Variants in LARP4 observed in about 807,000 individuals in gnomAD.
The protein encoded by LARP4 is la-related protein 4.
In LARP4, 29 loss-of-function variants were observed where a neutral mutation model predicts 92.9. The ratio of observed to expected loss-of-function variants is 0.31; its 90% CI spans 0.23 to 0.43. The LOEUF is 0.43. Ranked by LOEUF, LARP4 falls within the 20% of genes least tolerant of loss-of-function variation. The pLI is 1.00. For missense variants in LARP4, 732 were observed against 860.0 expected, an observed-to-expected ratio of 0.85 and a Z score of 1.86; for synonymous variants, 279 against 284.1, an observed-to-expected ratio of 0.98 and a Z score of 0.18.
intron 4 of LARP4, among the ~76,000 whole-genome samples, chr12:50,432,728 T>C (rs1348232068): frequency 6.6e-6 from 1 of 151,730 alleles, no homozygotes; most frequent in Non-Finnish European, 1.5e-5. Context: ...GGCATGGTGG[T>C]ATGCACTACT....
intron 13 of LARP4, among the ~76,000 whole-genome samples, chr12:50,472,828 T>TC (rs1296774952): frequency 2.6e-5 from 4 of 151,468 alleles, no homozygotes; most frequent in African/African-American, 9.7e-5. Context: ...TTTAACTTTT[T>TC]TTTTTTTTTG....
chr12:50,445,453 A>T (rs1951862969), intron 8 of LARP4, among the ~76,000 whole-genome samples: 1 of 151,294 alleles, frequency 6.6e-6, no homozygotes, highest in African/African-American at 2.4e-5. Flanking sequence ...GAAATACTAA[A>T]CTTCTTGGCT....
intron 1 of LARP4, among the ~76,000 whole-genome samples, chr12:50,427,028 G>T (rs778290373): frequency 6.6e-6 from 1 of 152,024 alleles, no homozygotes; most frequent in Non-Finnish European, 1.5e-5. Flanking sequence ...ATGAACCATC[G>T]TGCCCTGCCT....
intron 8 of LARP4, 112 bp from the exon 9 acceptor site, chr12:50,453,348 A>C (rs1953622500): frequency 3.4e-6 from 2 of 594,320 alleles, no homozygotes; most frequent in Admixed American, 2.9e-5. Context: ...TACTGATTCT[A>C]CTGTAGGCAG....
chr12:50,468,075 G>A (rs939380958), intron 13 of LARP4, among the ~76,000 whole-genome samples: 1 of 151,936 alleles, frequency 6.6e-6, no homozygotes, highest in African/African-American at 2.4e-5. Flanking sequence ...CACCTCCCGG[G>A]TTCAAGCAGT....
intron 10 of LARP4, among the ~76,000 whole-genome samples, chr12:50,455,639 T>C (rs1954086024): frequency 1.3e-5 from 2 of 152,216 alleles, no homozygotes; most frequent in South Asian, 4.1e-4. Context: ...CTTGTTTTAC[T>C]GGAGAAATGA....
intron 11 of LARP4, among the ~76,000 whole-genome samples, chr12:50,462,054 A>G (rs191723956): frequency 1.5e-4 from 23 of 152,326 alleles, no homozygotes; most frequent in Admixed American, 2.0e-4. Context: ...CTACTAACAA[A>G]TGGGCTCATC....
intron 10 of LARP4, among the ~76,000 whole-genome samples, chr12:50,460,169 T>C (rs565461947): frequency 5.9e-5 from 9 of 151,868 alleles, no homozygotes; most frequent in Non-Finnish European, 1.2e-4. Flanking sequence ...AAGAATGCAT[T>C]GCATAGACTC....
intron 13 of LARP4, among the ~76,000 whole-genome samples, chr12:50,469,853 G>A (rs1956702405): frequency 6.6e-6 from 1 of 152,048 alleles, no homozygotes; most frequent in Non-Finnish European, 1.5e-5. Flanking sequence ...AAGTTGCAGT[G>A]AGCCGAGATT....
intron 8 of LARP4, among the ~76,000 whole-genome samples, chr12:50,453,186 G>A (rs377153205): frequency 6.6e-6 from 1 of 151,540 alleles, no homozygotes; most frequent in Non-Finnish European, 1.5e-5. Flanking sequence ...AAGTGCTCAG[G>A]TTACAGGTGT....
At chr12:50,425,212 T>C (rs1376655561) in intron 1 of LARP4, among the ~76,000 whole-genome samples, 1 of 152,230 alleles carries the variant, frequency 6.6e-6, no homozygotes, top group Non-Finnish European at 1.5e-5. Flanking sequence ...ACATAACTAC[T>C]ATGCATAGCA....
In LARP4 at chr12:50,441,610, A is replaced by G. The variant is rs1951215134; in HGVS notation, c.771A>G (p.Glu257=). The change falls in exon 8 of 16, where the codon GAA becomes GAG. Residue 257 remains glutamate (E), a synonymous_variant. Transcript: ENST00000398473. Reference sequence around the variant, plus strand: ...AACAGGCTTTTAAATACTTAAGAGAAGAAGTTAAAACATTTCAGGGCAAGC... The same window carrying G: ...AACAGGCTTTTAAATACTTAAGAGAGGAAGTTAAAACATTTCAGGGCAAGC... ...DAQQAFKYLR[E]EVKTFQGKPI... 5 of 1,600,810 alleles carry G rather than the reference A, an allele frequency of 3.1e-6. No individual in the cohort carries two copies. In the East Asian group the frequency reaches 1.1e-4, roughly 36 times the overall value.
At chr12:50,406,858 A>G (rs543486409) in intron 1 of LARP4, among the ~76,000 whole-genome samples, 12 of 151,346 alleles carry the variant, frequency 7.9e-5, no homozygotes, top group East Asian at 1.9e-4. Flanking sequence ...AGCTGGGACT[A>G]CAGACGTACG....
At chr12:50,404,584 A>AT (rs1269648893) in intron 1 of LARP4, among the ~76,000 whole-genome samples, 2 of 147,666 alleles carry the variant, frequency 1.4e-5, no homozygotes, top group Non-Finnish European at 1.5e-5. Flanking sequence ...GGTTTGTTTT[A>AT]TTTTTTTCCT....
At chr12:50,406,495 AATT>A (rs1336794821) in intron 1 of LARP4, among the ~76,000 whole-genome samples, 1 of 151,914 alleles carries the variant, frequency 6.6e-6, no homozygotes, top group African/African-American at 2.4e-5. Flanking sequence ...AATTTTTTTA[AATT>A]ATTATTTTAT....
At chr12:50,462,709 C>G in intron 12 of LARP4, 79 bp downstream of exon 12, 7 of 1,011,376 alleles carry the variant, frequency 6.9e-6, no homozygotes, top group East Asian at 2.5e-5. Context: ...TCTTTCCTTT[C>G]TGGGTTTTTG....
intron 15 of LARP4, 137 bp downstream of exon 15, chr12:50,474,304 A>C (rs972696495): frequency 2.3e-5 from 15 of 655,906 alleles, no homozygotes; most frequent in Non-Finnish European, 3.4e-5. Context: ...AAGAAGCTTA[A>C]GGAGTGTTAG....
At chr12:50,450,993 A>G (rs747554534) in intron 8 of LARP4, among the ~76,000 whole-genome samples, 4 of 152,164 alleles carry the variant, frequency 2.6e-5, no homozygotes, top group Middle Eastern at 3.2e-3. Flanking sequence ...ACCTTTTACA[A>G]TTAGTGTTAG....
At chr12:50,429,544 T>C (rs1201144399) in intron 3 of LARP4, among the ~76,000 whole-genome samples, 2 of 152,076 alleles carry the variant, frequency 1.3e-5, no homozygotes, top group African/African-American at 4.8e-5. Flanking sequence ...AAACTGTGTC[T>C]GAAAAAAAAA....
Sources: allele counts gnomAD v4.1 joint callset (sites outside exome capture counted in the v4.1 genomes callset), GRCh38; gene constraint gnomAD v4.1.1; transcripts MANE v1.5; gene names NCBI Gene and HGNC (gene_info 2026-07-23, HGNC 2026-07-21).